The following SLC24A2 variants were observed in gnomAD, a reference collection of about 807,000 sequenced individuals.
SLC24A2 encodes the protein solute carrier family 24 member 2, also known as sodium/potassium/calcium exchanger 2.
A neutral mutation model predicts 62.0 loss-of-function variants in SLC24A2; 36 were observed. The ratio of observed to expected loss-of-function variants is 0.58; its 90% CI spans 0.44 to 0.77. The LOEUF (loss-of-function observed/expected upper bound fraction) is 0.77, where lower values mean the gene tolerates loss of function less well. Ranked by LOEUF, SLC24A2 falls within the 30% of genes least tolerant of loss-of-function variation. The probability of loss-of-function intolerance (pLI) is 0.00; values close to 1 mark genes in which losing one functional copy is unlikely to be tolerated. For synonymous variants in SLC24A2, 358 were observed against 294.0 expected (o/e 1.22, Z -2.23); for missense variants, 846 against 817.9 (o/e 1.03, Z -0.42).
At chr9:20,078,996 C>T in the SLC24A2 span, among the ~76,000 whole-genome samples, 1 of 146,108 alleles carries the variant, frequency 6.8e-6, no homozygotes, top group Admixed American at 6.7e-5. Context: ...ATGCTAACCC[C>T]TAGAACATGT....
At chr9:19,628,060 TA>T (rs1818080199) in intron 2 of SLC24A2, among the ~76,000 whole-genome samples, 1 of 152,212 alleles carries the variant, frequency 6.6e-6, no homozygotes, top group Admixed American at 6.5e-5. Context: ...TAATATCTTT[TA>T]CCCAACTCCT....
the SLC24A2 span, among the ~76,000 whole-genome samples, chr9:20,114,382 C>T: frequency 3.3e-5 from 5 of 152,132 alleles, no homozygotes; most frequent in Admixed American, 1.3e-4. Flanking sequence ...AGTTGTGGAG[C>T]TAAACTAGTC....
chr9:19,559,129 C>A (rs956429368), intron 7 of SLC24A2, among the ~76,000 whole-genome samples: 1 of 152,140 alleles, frequency 6.6e-6, no homozygotes, highest in Non-Finnish European at 1.5e-5. Flanking sequence ...CTCAAACATT[C>A]AAACAAATGT....
At chr9:20,307,889 C>G in the SLC24A2 span, among the ~76,000 whole-genome samples, 1 of 152,108 alleles carries the variant, frequency 6.6e-6, no homozygotes, top group Non-Finnish European at 1.5e-5. Flanking sequence ...CAAGATTTAC[C>G]AGGTCCCTCT....
the SLC24A2 span, among the ~76,000 whole-genome samples, chr9:20,085,854 AT>A: frequency 2.4e-4 from 36 of 152,148 alleles, no homozygotes; most frequent in African/African-American, 8.4e-4. Context: ...CACTACATTA[AT>A]TTTTTTTAAA....
At chr9:20,059,342 A>G in the SLC24A2 span, among the ~76,000 whole-genome samples, 1 of 152,224 alleles carries the variant, frequency 6.6e-6, no homozygotes, top group Non-Finnish European at 1.5e-5. Context: ...ACAACAGCAG[A>G]ATGTACATTC....
intron 2 of SLC24A2, among the ~76,000 whole-genome samples, chr9:19,652,456 A>G (rs547471534): frequency 6.6e-6 from 1 of 151,920 alleles, no homozygotes; most frequent in East Asian, 1.9e-4. Flanking sequence ...GAGGCAATGG[A>G]GTTAGAGAAA....
chr9:20,110,891 C>T, the SLC24A2 span, among the ~76,000 whole-genome samples: 1 of 152,154 alleles, frequency 6.6e-6, no homozygotes, highest in African/African-American at 2.4e-5. Context: ...TAACATCTCT[C>T]AAATGAGGAT....
chr9:19,516,021 A>G lies in SLC24A2; in HGVS notation c.*132T>C. 1 of 1,140,420 alleles carries G rather than the reference A, an allele frequency of 8.8e-7. No individual in the cohort carries two copies. The highest frequency in any genetic ancestry group is 1.3e-6 in the Non-Finnish European group (1 of 754,318). 70.6% of individuals were successfully genotyped at this position (1,140,420 alleles called of 1,614,324 possible). On this transcript the variant is annotated 3_prime_UTR_variant, in exon 11 of 11. Transcript: ENST00000341998. ...GCCCAGTGTGAATCCATCTCTCCTC[A>G]AATTCACCAAGGAGGGACACTTGGC...
the SLC24A2 span, among the ~76,000 whole-genome samples, chr9:20,080,820 T>C: frequency 2.6e-5 from 4 of 152,074 alleles, no homozygotes; most frequent in Non-Finnish European, 2.9e-5. Flanking sequence ...GGGCGAAGGA[T>C]ATGAACAGAC....
the SLC24A2 span, among the ~76,000 whole-genome samples, chr9:20,228,567 G>C: frequency 6.6e-6 from 1 of 152,140 alleles, no homozygotes; most frequent in African/African-American, 2.4e-5. Flanking sequence ...GCTTGCTGTA[G>C]GGTGGGTGCA....
At chr9:19,715,392 G>C (rs1328276367) in intron 2 of SLC24A2, among the ~76,000 whole-genome samples, 7 of 152,136 alleles carry the variant, frequency 4.6e-5, no homozygotes, top group Admixed American at 4.6e-4. Flanking sequence ...GAGGGACCGA[G>C]TATCCTCAAG....
intron 8 of SLC24A2, among the ~76,000 whole-genome samples, chr9:19,534,676 A>G (rs1014092726): frequency 2.0e-5 from 3 of 152,178 alleles, no homozygotes; most frequent in Non-Finnish European, 4.4e-5. Context: ...TGTCCCTGCA[A>G]AGGACATGAA....
Position 19,789,011 on chromosome 9 carries a change from C to T in SLC24A2, c.-280G>A. On this transcript the variant is annotated 5_prime_UTR_variant, in exon 1 of 11. Coordinates refer to ENST00000341998, the MANE Select transcript of SLC24A2 (RefSeq NM_020344.4). The stretch of plus-strand genomic sequence containing the variant: ...GGCTCGCACTGGCTGCCGCTCTCGC[C>T]AGCCGGGCTGGGTTCGGGAGGAGAC... The T allele has an allele frequency of 1.1e-6, 1 of 940,966 alleles. No homozygotes were observed. Among genetic ancestry groups the T allele is most frequent in the Non-Finnish European group, 1.3e-6 (1 of 789,380 alleles). 58.3% of individuals were successfully genotyped at this position (940,966 alleles called of 1,614,324 possible). A position where few individuals can be genotyped will look rare whatever the true frequency, so the allele number is the denominator to read the frequency against.
At chr9:19,785,786 G>T in intron 2 of SLC24A2, 151 bp downstream of exon 2, 1 of 993,394 alleles carries the variant, frequency 1.0e-6, no homozygotes, top group Non-Finnish European at 1.5e-6. Flanking sequence ...CCACTGCTAT[G>T]TTAGTCTAGC....
At chr9:19,566,531 A>G (rs1212963139) in intron 7 of SLC24A2, among the ~76,000 whole-genome samples, 2 of 151,892 alleles carry the variant, frequency 1.3e-5, no homozygotes, top group East Asian at 1.9e-4. Flanking sequence ...AAACTAGTTC[A>G]ACCATTGTGG....
At chr9:19,981,574 T>C in the SLC24A2 span, among the ~76,000 whole-genome samples, 83 of 152,306 alleles carry the variant, frequency 5.4e-4, no homozygotes, top group African/African-American at 1.9e-3. Context: ...GAACTATTTA[T>C]ACAATAAAGC....
At chr9:19,819,336 A>G in the SLC24A2 span, among the ~76,000 whole-genome samples, 10 of 152,322 alleles carry the variant, frequency 6.6e-5, no homozygotes, top group South Asian at 2.1e-3. Flanking sequence ...AATAAAAGCA[A>G]AGATAATAGC....
At chr9:20,192,800 G>T in the SLC24A2 span, among the ~76,000 whole-genome samples, 1 of 152,084 alleles carries the variant, frequency 6.6e-6, no homozygotes, top group Non-Finnish European at 1.5e-5. Flanking sequence ...TGCAGCCAAG[G>T]TTGAGAACCA....
Sources: allele counts gnomAD v4.1 joint callset (sites outside exome capture counted in the v4.1 genomes callset), GRCh38; gene constraint gnomAD v4.1.1; transcripts MANE v1.5; gene names NCBI Gene and HGNC (gene_info 2026-07-23, HGNC 2026-07-21).